JAM3: variants seen among roughly 807,000 people sequenced by gnomAD.
JAM3 encodes the protein junctional adhesion molecule 3.
In JAM3, 31 loss-of-function variants were observed where a neutral mutation model predicts 39.4. The observed-to-expected ratio is 0.79, with a 90% CI of 0.59 to 1.06. JAM3 has a LOEUF of 1.06. Ranked by LOEUF, JAM3 falls within the 50% of genes least tolerant of loss-of-function variation. The pLI, the probability that JAM3 is intolerant of heterozygous loss-of-function variation, is 0.00. For missense variants in JAM3, 455 were observed against 391.4 expected, an observed-to-expected ratio of 1.16 and a Z score of -1.37; for synonymous variants, 182 against 148.7, an observed-to-expected ratio of 1.22 and a Z score of -1.63.
At chr11:134,069,616 G>A (rs539829793) in intron 1 of JAM3, among the ~76,000 whole-genome samples, 2 of 152,046 alleles carry the variant, frequency 1.3e-5, no homozygotes, top group Admixed American at 1.3e-4. Flanking sequence ...CGTCCCCGGG[G>A]TGGACCCCTC....
intron 8 of JAM3, 77 bp from the exon 9 acceptor site, chr11:134,149,069 A>G: frequency 3.9e-6 from 6 of 1,531,188 alleles, no homozygotes; most frequent in Non-Finnish European, 5.4e-6. Context: ...TATTTAGCCC[A>G]TGTTAGACTT....
chr11:134,121,904 G>T (rs758794207), intron 1 of JAM3, among the ~76,000 whole-genome samples: 1 of 152,058 alleles, frequency 6.6e-6, no homozygotes, highest in Non-Finnish European at 1.5e-5. Context: ...GTTTGTCATG[G>T]TATTGATCAA....
chr11:134,076,321 A>AT (rs1312548829), intron 1 of JAM3, among the ~76,000 whole-genome samples: 1 of 151,248 alleles, frequency 6.6e-6, no homozygotes, highest in Non-Finnish European at 1.5e-5. Flanking sequence ...CGCCTGGCTA[A>AT]TTTTTGTATT....
intron 1 of JAM3, among the ~76,000 whole-genome samples, chr11:134,095,816 A>C (rs1253133720): frequency 6.6e-6 from 1 of 152,200 alleles, no homozygotes; most frequent in Admixed American, 6.5e-5. Flanking sequence ...TATACCAGAC[A>C]TCTTAAACAT....
intron 1 of JAM3, among the ~76,000 whole-genome samples, chr11:134,070,654 A>G (rs532991845): frequency 3.3e-5 from 5 of 152,354 alleles, no homozygotes; most frequent in Admixed American, 2.0e-4. Context: ...ACACTGTCCT[A>G]TTCACAGCCT....
intron 1 of JAM3, among the ~76,000 whole-genome samples, chr11:134,128,789 G>A (rs561143976): frequency 7.5e-4 from 114 of 152,256 alleles, no homozygotes; most frequent in African/African-American, 2.6e-3. Context: ...AAATCACCCA[G>A]TCTCTGGTAG....
chr11:134,075,341 G>A (rs1458796253), intron 1 of JAM3, among the ~76,000 whole-genome samples: 1 of 152,188 alleles, frequency 6.6e-6, no homozygotes, highest in Non-Finnish European at 1.5e-5. Context: ...GGACAGCGGT[G>A]TGGATGGGAA....
At chr11:134,111,741 T>C (rs1433502045) in intron 1 of JAM3, among the ~76,000 whole-genome samples, 1 of 152,130 alleles carries the variant, frequency 6.6e-6, no homozygotes, top group African/African-American at 2.4e-5. Flanking sequence ...AGAAAAAAAG[T>C]TTGCTTTCAT....
intron 1 of JAM3, among the ~76,000 whole-genome samples, chr11:134,135,252 GC>G (rs1183658705): frequency 2.6e-5 from 4 of 152,200 alleles, no homozygotes; most frequent in African/African-American, 9.6e-5. Flanking sequence ...AGTTTTCCCA[GC>G]ACTGTTGTTG....
At chr11:134,133,114 G>C (rs1461334850) in intron 1 of JAM3, among the ~76,000 whole-genome samples, 1 of 152,184 alleles carries the variant, frequency 6.6e-6, no homozygotes, top group East Asian at 1.9e-4. Context: ...GCTAGACTGA[G>C]AACCAGAAGT....
chr11:134,083,931 T>C (rs1591771330), intron 1 of JAM3, among the ~76,000 whole-genome samples: 1 of 152,224 alleles, frequency 6.6e-6, no homozygotes, highest in African/African-American at 2.4e-5. Context: ...TCATAGAGAA[T>C]TGGGGAGATG....
rs75390394 is a variant in JAM3 at position 134,128,624 on chromosome 11, T to C, written c.77-11227T>C. 9.8e-3 allele frequency among the ~76,000 whole-genome samples: 1,487 copies of C among 152,184 alleles called. 19 individuals are homozygous for C. The highest frequency in any genetic ancestry group is 0.034 in the African/African-American group (1,393 of 41,482). On this transcript the variant is annotated intron_variant, in intron 1 of 8. Coordinates refer to ENST00000299106, the MANE Select transcript of JAM3 (RefSeq NM_032801.5). ...GTGTGGCAGTTCCCCCCTTATTCGC[T>C]CACTCGTGTGCATGTGTGCTCTGTC...
At position 134,151,946 on chromosome 11, in the gene JAM3, G is replaced by A. The variant is rs1943252108; in HGVS notation, c.*2765G>A. ...CTCCGCCACCGAGCCCACCTGTGTT[G>A]CGGTTCCCACTTGGGATGGCAGTGG... is the stretch of plus-strand genomic sequence containing the variant. On this transcript the variant is annotated 3_prime_UTR_variant, in exon 9 of 9. Transcript: ENST00000299106. 1 of 152,140 alleles carries A rather than the reference G, an allele frequency of 6.6e-6. No homozygotes were observed. Among genetic ancestry groups the A allele is most frequent in the African/African-American group, 2.4e-5 (1 of 41,434 alleles). 9.4% of individuals were successfully genotyped at this position (152,140 alleles called of 1,614,324 possible). A position where few individuals can be genotyped will look rare whatever the true frequency, so the allele number is the denominator to read the frequency against.
chr11:134,144,032 G>A (rs1173283759), intron 3 of JAM3, among the ~76,000 whole-genome samples: 1 of 152,120 alleles, frequency 6.6e-6, no homozygotes, highest in Non-Finnish European at 1.5e-5. Flanking sequence ...TTGCACACCA[G>A]GAACTATTTT....
chr11:134,129,391 C>T (rs1160168018), intron 1 of JAM3, among the ~76,000 whole-genome samples: 1 of 152,168 alleles, frequency 6.6e-6, no homozygotes, highest in Non-Finnish European at 1.5e-5. Context: ...GCTGGGATTA[C>T]AGGCGTGAGC....
intron 1 of JAM3, chr11:134,139,493 G>A (rs1435762057): frequency 1.5e-5 from 5 of 328,628 alleles, no homozygotes; most frequent in Non-Finnish European, 2.9e-5. Flanking sequence ...GGGGAAGAGG[G>A]GAAGATGGAG....
At chr11:134,081,973 C>T (rs1941673676) in intron 1 of JAM3, among the ~76,000 whole-genome samples, 1 of 152,254 alleles carries the variant, frequency 6.6e-6, no homozygotes, top group Non-Finnish European at 1.5e-5. Context: ...GACTTGGAGT[C>T]AAAGGAGATC....
At chr11:134,088,684 G>A (rs1441344114) in intron 1 of JAM3, among the ~76,000 whole-genome samples, 2 of 152,080 alleles carry the variant, frequency 1.3e-5, no homozygotes, top group Admixed American at 6.5e-5. Flanking sequence ...TTTAAGACAC[G>A]GATTTGTGAA....
chr11:134,096,060 T>G (rs549832301), intron 1 of JAM3, among the ~76,000 whole-genome samples: 124 of 152,244 alleles, frequency 8.1e-4, no homozygotes, highest in Non-Finnish European at 1.4e-3. Flanking sequence ...CATTGCAACC[T>G]CCACCTCCTG....
Sources: allele counts gnomAD v4.1 joint callset (sites outside exome capture counted in the v4.1 genomes callset), GRCh38; gene constraint gnomAD v4.1.1; transcripts MANE v1.5; gene names NCBI Gene and HGNC (gene_info 2026-07-23, HGNC 2026-07-21).